Variants in MAPK8IP1 observed in about 807,000 individuals in gnomAD.
MAPK8IP1 encodes mitogen-activated protein kinase 8 interacting protein 1, also known as C-Jun-amino-terminal kinase-interacting protein 1.
Under a neutral mutation model 72.6 loss-of-function variants are expected in MAPK8IP1, and 17 were observed. The observed-to-expected ratio is 0.23, with a 90% CI of 0.16 to 0.35. The LOEUF is 0.35. Ranked by LOEUF, MAPK8IP1 falls within the 10% of genes least tolerant of loss-of-function variation. MAPK8IP1 has a pLI of 1.00. For synonymous variants in MAPK8IP1, 401 were observed against 443.4 expected, an observed-to-expected ratio of 0.90 and a Z score of 1.20; for missense variants, 789 against 1,009.7, an observed-to-expected ratio of 0.78 and a Z score of 2.96.
Position 45,903,580 on chromosome 11 carries a change from T to A in MAPK8IP1, c.1493+140T>A. ...TCCACTCAGCCCTGGGAGGACAGTG[T>A]CCACTCTCTAGGGACTCAGAGTATG... On this transcript the variant is annotated intron_variant, in intron 6 of 11. Transcript: ENST00000241014. The surrounding 1 kb of genome is among the most constrained non-coding windows in gnomAD (Gnocchi z 6.4). 2.6e-6 allele frequency: 2 copies of A among 764,458 alleles called. No homozygotes were observed. Among genetic ancestry groups the A allele is most frequent in the Admixed American group, 4.0e-5 (2 of 49,550 alleles). The allele number at this position is 764,458 out of a possible 1,614,324, so 47.4% of individuals were successfully genotyped here.
intron 1 of MAPK8IP1, chr11:45,896,500 A>G (rs2086606766): frequency 9.7e-7 from 1 of 1,028,256 alleles, no homozygotes. Flanking sequence ...AGGGGGGGCC[A>G]CTCAGCCCCC....
chr11:45,886,428 G>A (rs2086528082), intron 1 of MAPK8IP1, among the ~76,000 whole-genome samples: 1 of 152,192 alleles, frequency 6.6e-6, no homozygotes, highest in Admixed American at 6.5e-5. Flanking sequence ...TGGCGTGGCC[G>A]GGCCCCTCTC....
In MAPK8IP1 at chr11:45,903,551, TTTATCCACTCAGC is replaced by T; in HGVS notation, c.1493+112_1493+124del. On this transcript the variant is annotated intron_variant, in intron 6 of 11. Coordinates refer to ENST00000241014, the MANE Select transcript of MAPK8IP1 (RefSeq NM_005456.4). The surrounding 1 kb of genome is among the most constrained non-coding windows in gnomAD (Gnocchi z 6.4). ...GCCTAACCCCTGCCATCAGCCTTCA[TTTATCCACTCAGC>T]CCTGGGAGGACAGTGTCCACTCTCT... The T allele has an allele frequency of 5.5e-6, 5 of 906,104 alleles. No homozygotes were observed. The South Asian group carries it at 7.1e-5, about 13-fold the overall frequency. The allele number at this position is 906,104 out of a possible 1,614,324, so 56.1% of individuals were successfully genotyped here. A position where few individuals can be genotyped will look rare whatever the true frequency, so the allele number is the denominator to read the frequency against.
rs201638995 is a variant in MAPK8IP1, at chr11:45,902,724, C to T, written c.957C>T (p.Pro319=). 5.0e-6 allele frequency: 8 copies of T among 1,608,024 alleles called. No homozygotes were observed. Among genetic ancestry groups the T allele is most frequent in the Non-Finnish European group, 6.8e-6 (8 of 1,179,482 alleles). Residue 319 remains proline, a synonymous_variant, in exon 5 of 12, where the codon CCC becomes CCT. Transcript: ENST00000241014. The surrounding 1 kb of genome is among the most constrained non-coding windows in gnomAD (Gnocchi z 9.3). ...CCGATCCAGACCCTGCCGCCTACCC[C>T]TCCACGGCAGGGCGGCCGCACCCCT... ...VSSDPDPAAY[P]STAGRPHPSI...
At chr11:45,889,583 T>C (rs1293945260) in intron 1 of MAPK8IP1, among the ~76,000 whole-genome samples, 1 of 143,064 alleles carries the variant, frequency 7.0e-6, no homozygotes, top group East Asian at 2.0e-4. Context: ...ACAAAGGGGG[T>C]TTCATGGACA....
chr11:45,887,739 G>A (rs909109151), intron 1 of MAPK8IP1, among the ~76,000 whole-genome samples: 4 of 152,266 alleles, frequency 2.6e-5, no homozygotes, highest in South Asian at 4.1e-4. Flanking sequence ...TAGGCCACGA[G>A]GCTGAGGTGT....
chr11:45,905,928 T>C lies in MAPK8IP1; in HGVS notation c.*207T>C, dbSNP rs1180327920. The C allele has an allele frequency of 9.8e-6, 6 of 610,404 alleles. No homozygotes were observed. In the African/African-American group the frequency reaches 1.1e-4, roughly 11 times the overall value. 37.8% of individuals were successfully genotyped at this position (610,404 alleles called of 1,614,324 possible). A position where few individuals can be genotyped will look rare whatever the true frequency, so the allele number is the denominator to read the frequency against. On this transcript the variant is annotated 3_prime_UTR_variant, in exon 12 of 12. Coordinates refer to ENST00000241014, the MANE Select transcript of MAPK8IP1 (RefSeq NM_005456.4). ...TGTAATATATGGGATTAGATTCATC[T>C]ATGGAGGGCAGAGTGGGCTGCCTGG...
Position 45,904,004 on chromosome 11 carries a change from C to G in MAPK8IP1, c.1509C>G (p.His503Gln), listed in dbSNP as rs559632365. Reference sequence around the variant, plus strand: ...CTGGGGACAGGTTTGTGCCTCGACACGAAGACGAACTTGAGCTGGAAGTGG... The same window carrying G: ...CTGGGGACAGGTTTGTGCCTCGACAGGAAGACGAACTTGAGCTGGAAGTGG... ...HRAIFRFVPR[H>Q]EDELELEVDD... The change falls in exon 7 of 12, where the codon CAC becomes CAG. Residue 503 changes from histidine (H) to glutamine (Q), a missense_variant. Transcript: ENST00000241014. The surrounding 1 kb of genome is among the most constrained non-coding windows in gnomAD (Gnocchi z 6.4). The G allele has an allele frequency of 6.2e-7, 1 of 1,613,264 alleles. No homozygotes were observed. The highest frequency in any genetic ancestry group is 1.3e-5 in the African/African-American group (1 of 74,884).
rs1590787312 is a variant in MAPK8IP1 at position 45,902,202 on chromosome 11, G to T, written c.604+141G>T. On this transcript the variant is annotated intron_variant, in intron 4 of 11. Coordinates refer to ENST00000241014, the MANE Select transcript of MAPK8IP1 (RefSeq NM_005456.4). This position sits in a 1 kb window ranked among gnomAD's most constrained non-coding sequence, Gnocchi z 9.3. ...CATCCCTGCACGAGCCCATCCAGGG[G>T]CTGAGATCAGTGGTGGCATGAGTGA... 6 of 994,906 alleles carry T rather than the reference G, an allele frequency of 6.0e-6. No homozygotes were observed. The East Asian group carries it at 1.2e-4, about 20-fold the overall frequency. The allele number at this position is 994,906 out of a possible 1,614,324, so 61.6% of individuals were successfully genotyped here.
At chr11:45,888,238 CT>C (rs2086542215) in intron 1 of MAPK8IP1, among the ~76,000 whole-genome samples, 1 of 152,222 alleles carries the variant, frequency 6.6e-6, no homozygotes, top group Non-Finnish European at 1.5e-5. Context: ...TGTACCCAAA[CT>C]TTGGTATCCC....
In MAPK8IP1 at chr11:45,900,364, G is replaced by T. The variant is rs2086641867; in HGVS notation, c.434G>T (p.Gly145Val). 2 of 1,519,702 alleles carry T rather than the reference G, an allele frequency of 1.3e-6. No homozygotes were observed. The highest frequency in any genetic ancestry group is 1.8e-6 in the Non-Finnish European group (2 of 1,140,446). The allele number at this position is 1,519,702 out of a possible 1,614,324, so 94.1% of individuals were successfully genotyped here. The change falls in exon 3 of 12, where the codon GGC becomes GTC. Residue 145 changes from glycine (G) to valine (V), a missense_variant. This residue lies in a region of MAPK8IP1 where 112 missense variants were observed against 192.8 expected (regional missense o/e 0.58). Transcript: ENST00000241014. This position sits in a 1 kb window ranked among gnomAD's most constrained non-coding sequence, Gnocchi z 6.5. ...PASRGQGQSQ[G>V]QSQGPGSGDT... is the part of the protein sequence containing the mutation. ...TCCCGCGGCCAGGGCCAGAGCCAAG[G>T]CCAGAGCCAGGGCCCGGGCAGCGGG...
intron 1 of MAPK8IP1, among the ~76,000 whole-genome samples, chr11:45,887,492 AG>A (rs1485805321): frequency 2.0e-5 from 3 of 152,220 alleles, no homozygotes; most frequent in Non-Finnish European, 4.4e-5. Context: ...TAACAAAGGC[AG>A]GGTGGCTCAT....
In MAPK8IP1 at chr11:45,903,220, T is replaced by A; in HGVS notation, c.1417+36T>A. 2.3e-6 allele frequency: 3 copies of A among 1,318,076 alleles called. No individual in the cohort carries two copies. Among genetic ancestry groups the A allele is most frequent in the Non-Finnish European group, 3.3e-6 (3 of 920,550 alleles). 81.6% of individuals were successfully genotyped at this position (1,318,076 alleles called of 1,614,324 possible). A position where few individuals can be genotyped will look rare whatever the true frequency, so the allele number is the denominator to read the frequency against. On this transcript the variant is annotated intron_variant, in intron 5 of 11. Transcript: ENST00000241014. This position sits in a 1 kb window ranked among gnomAD's most constrained non-coding sequence, Gnocchi z 6.4. ...AAGGGGAAGCAGTGGGGTGGGGGGGTCCCTAGCGGGGGCAGAGCCAAAATG... is the reference window on the plus strand; with the variant it reads ...AAGGGGAAGCAGTGGGGTGGGGGGGACCCTAGCGGGGGCAGAGCCAAAATG...
Position 45,904,515 on chromosome 11 carries a change from A to T in MAPK8IP1, c.1727A>T (p.Gln576Leu), listed in dbSNP as rs1380107523. 1.2e-6 allele frequency: 2 copies of T among 1,614,214 alleles called. No individual in the cohort carries two copies. Among genetic ancestry groups the T allele is most frequent in the Non-Finnish European group, 1.7e-6 (2 of 1,180,034 alleles). The change falls in exon 8 of 12, where the codon CAG (glutamine) becomes CTG (leucine). Residue 576 changes from glutamine (Q) to leucine (L), a missense_variant. Gln to Leu is a moderately radical substitution (Grantham distance 113). Transcript: ENST00000241014. The surrounding 1 kb of genome is among the most constrained non-coding windows in gnomAD (Gnocchi z 6.4). The part of the protein sequence containing the change: ...QFRVKFLGSV[Q>L]VPYHKGNDVL... ...CGGGTGAAGTTCCTGGGCTCAGTCC[A>T]GGTTCCCTATCACAAGGGCAATGAC...
intron 1 of MAPK8IP1, among the ~76,000 whole-genome samples, chr11:45,890,356 A>C (rs1308572910): frequency 6.6e-6 from 1 of 152,260 alleles, no homozygotes; most frequent in Non-Finnish European, 1.5e-5. Context: ...CTTGGGCCAC[A>C]CGTAAAATAC....
chr11:45,902,073 C>T lies in MAPK8IP1; in HGVS notation c.604+12C>T. 4 of 1,610,212 alleles carry T rather than the reference C, an allele frequency of 2.5e-6. No individual in the cohort carries two copies. The highest frequency in any genetic ancestry group is 3.4e-6 in the Non-Finnish European group (4 of 1,176,396). On this transcript the variant is annotated intron_variant, in intron 4 of 11. Transcript: ENST00000241014. The surrounding 1 kb of genome is among the most constrained non-coding windows in gnomAD (Gnocchi z 9.3). ...ACCCCTGAAGACAGGTAAGTCAGGG[C>T]CCTCTTCCTTACCTGGACCTCCGCC...
intron 1 of MAPK8IP1, 95 bp from the exon 2 acceptor site, chr11:45,897,985 TGTTTG>T (rs2086621018): frequency 1.4e-6 from 1 of 732,472 alleles, no homozygotes. Flanking sequence ...CTGGGGGCTG[TGTTTG>T]GCCTTCAAGA....
rs112993823 is a variant in MAPK8IP1, at chr11:45,904,260, G to C, written c.1666+99G>C. ...TACTCCAGATCTCAGCCAGCCAGGT[G>C]GGGGGCTGAGTGGAAGTGATTTTAG... On this transcript the variant is annotated intron_variant, in intron 7 of 11. Transcript: ENST00000241014. The surrounding 1 kb of genome is among the most constrained non-coding windows in gnomAD (Gnocchi z 6.4). 8,702 of 1,387,854 alleles carry C rather than the reference G, an allele frequency of 6.3e-3. 273 individuals carry two copies. In the African/African-American group the frequency reaches 0.085, roughly 14 times the overall value. The allele number at this position is 1,387,854 out of a possible 1,614,324, so 86.0% of individuals were successfully genotyped here.
chr11:45,904,335 G>A lies in MAPK8IP1; in HGVS notation c.1667-120G>A. 2.5e-6 allele frequency: 3 copies of A among 1,185,220 alleles called. No homozygotes were observed. Among genetic ancestry groups the A allele is most frequent in the Non-Finnish European group, 3.7e-6 (3 of 811,426 alleles). 73.4% of individuals were successfully genotyped at this position (1,185,220 alleles called of 1,614,324 possible). A position where few individuals can be genotyped will look rare whatever the true frequency, so the allele number is the denominator to read the frequency against. Reference sequence around the variant, plus strand: ...GAGGCCCGGCCAAGTTGGGCAGCCAGGGATTGTGGCAGCCTCTGTGGGCTC... The same window carrying A: ...GAGGCCCGGCCAAGTTGGGCAGCCAAGGATTGTGGCAGCCTCTGTGGGCTC... On this transcript the variant is annotated intron_variant, in intron 7 of 11. Transcript: ENST00000241014. This position sits in a 1 kb window ranked among gnomAD's most constrained non-coding sequence, Gnocchi z 6.4.
Sources: gnomAD v4.1 joint callset for allele counts (sites outside exome capture counted in the v4.1 genomes callset) on GRCh38, gnomAD v4.1.1 for gene constraint, gnomAD v4.1.1 regional missense constraint, Gnocchi (gnomAD v3.1) non-coding constraint, MANE v1.5 for transcripts, NCBI Gene and HGNC (gene_info 2026-07-23, HGNC 2026-07-21) for gene names.